BCORL1: variants seen among roughly 807,000 people sequenced by gnomAD.
BCORL1 encodes the protein BCL6 corepressor like 1.
Under a neutral mutation model 87.6 loss-of-function variants are expected in BCORL1, and 7 were observed. That is an observed-to-expected ratio of 0.08 (90% CI 0.05 to 0.15). The LOEUF (loss-of-function observed/expected upper bound fraction) is 0.15, where lower values mean the gene tolerates loss of function less well. BCORL1 is among the 10% of genes least tolerant of loss of function. The pLI is 1.00. For synonymous variants in BCORL1, 591 were observed against 634.4 expected (o/e 0.93, Z 1.03); for missense variants, 1,215 against 1,499.7 (o/e 0.81, Z 3.13).
In BCORL1 at chrX:130,049,345, A is replaced by AGTTT. The variant is rs112855640; in HGVS notation, c.4841-1347_4841-1344dup. On this transcript the variant is annotated intron_variant, in intron 11 of 13. Transcript: ENST00000540052. ...GAGTTGCTGTGAACATTCATGTATAAGTTTGTTTGTTTGTTTGTTTGTTTG... is the reference window on the plus strand; with the variant it reads ...GAGTTGCTGTGAACATTCATGTATAAGTTTGTTTGTTTGTTTGTTTGTTTGTTTG... Among the ~76,000 whole-genome samples the AGTTT allele has an allele frequency of 4.7e-3, 520 of 110,133 alleles. 3 individuals are homozygous for AGTTT. Among genetic ancestry groups the AGTTT allele is most frequent in the African/African-American group, 0.015 (435 of 29,840 alleles).
At chrX:130,055,292 C>T (rs1171322518) in intron 13 of BCORL1, among the ~76,000 whole-genome samples, 1 of 112,824 alleles carries the variant, frequency 8.9e-6, no homozygotes. Context: ...GGAGAAAAAA[C>T]TTGTCTAATG....
rs1929319802 is a variant in BCORL1 at position 130,015,288 on chromosome X, C to T, written c.2516C>T (p.Ala839Val). The change falls in exon 4 of 14, where the codon GCG becomes GTG. Residue 839 changes from alanine to valine, a missense_variant. Transcript: ENST00000540052. ...GTTGGCTGGTCCCCGTACCACCAGG[C>T]GTCTCTGCTTTCCATTGGCATTTCC... ...LPVGWSPYHQASLLSIGISSA... is the reference protein window; with the variant it reads ...LPVGWSPYHQVSLLSIGISSA... The T allele has an allele frequency of 2.5e-6, 3 of 1,211,785 alleles. No individual in the cohort carries two copies. The highest frequency in any genetic ancestry group is 2.2e-6 in the Non-Finnish European group (2 of 895,538).
chrX:130,051,925 G>A lies in BCORL1; in HGVS notation c.4984G>A (p.Asp1662Asn). 8.3e-7 allele frequency: 1 copy of A among 1,209,235 alleles called. No individual in the cohort carries two copies. Among genetic ancestry groups the A allele is most frequent in the Non-Finnish European group, 1.1e-6 (1 of 893,540 alleles). ...TCCTGGGAGCTCAGATCAAGAAGGA[G>A]ACGATCCGATGGAGGAGGATGATTT... ...NPPGSSDQEG[D>N]DPMEEDDFMF... The change falls in exon 13 of 14, where the codon GAC (aspartate) becomes AAC (asparagine). Residue 1662 changes from aspartate to asparagine, a missense_variant. This residue lies in a region of BCORL1 where 129 missense variants were observed against 157.5 expected (regional missense o/e 0.82). Transcript: ENST00000540052.
At chrX:130,022,211 CTTTG>C (rs1379599913) in intron 5 of BCORL1, among the ~76,000 whole-genome samples, 2 of 91,571 alleles carry the variant, frequency 2.2e-5, no homozygotes, top group African/African-American at 8.3e-5. Flanking sequence ...TCAGTTAGAA[CTTTG>C]TTTATTTTCT....
chrX:130,028,971 C>A, intron 8 of BCORL1, 110 bp downstream of exon 8: 1 of 596,876 alleles, frequency 1.7e-6, no homozygotes, highest in Non-Finnish European at 2.6e-6. Flanking sequence ...TTTAGTAAGG[C>A]ATTCTCAAAC....
chrX:130,051,758 C>A lies in BCORL1; in HGVS notation c.4919-102C>A. On this transcript the variant is annotated intron_variant, in intron 12 of 13. Coordinates refer to ENST00000540052, the MANE Select transcript of BCORL1 (RefSeq NM_001379451.1). ...GCCTGTGGCCTTGTCATTTACCTCCCAACCACCACCCCTCCATGCCCCTTT... is the reference window on the plus strand; with the variant it reads ...GCCTGTGGCCTTGTCATTTACCTCCAAACCACCACCCCTCCATGCCCCTTT... 3.5e-6 allele frequency: 3 copies of A among 851,650 alleles called. No individual in the cohort carries two copies. The South Asian group carries it at 1.0e-4, about 30-fold the overall frequency. The allele number at this position is 851,650 out of a possible 1,213,427, so 70.2% of individuals were successfully genotyped here. A position where few individuals can be genotyped will look rare whatever the true frequency, so the allele number is the denominator to read the frequency against.
chrX:130,022,870 C>T (rs764244094), intron 5 of BCORL1, 27 bp from the exon 6 acceptor site: 13 of 1,180,792 alleles, frequency 1.1e-5, no homozygotes, highest in Non-Finnish European at 1.3e-5. Flanking sequence ...TTTCTGCCTT[C>T]TGTCCCCAAA....
chrX:130,013,967 G>C lies in BCORL1; in HGVS notation c.1195G>C (p.Ala399Pro). Residue 399 changes from alanine to proline, a missense_variant, in exon 4 of 14, where the codon GCT (alanine) becomes CCT (proline). Coordinates refer to ENST00000540052, the MANE Select transcript of BCORL1 (RefSeq NM_001379451.1). ...IFTPAPTPMP[A>P]ATPAAIPTSA... is the part of the protein sequence containing the mutation. ...TACTCCAGCCCCTACACCCATGCCT[G>C]CTGCCACGCCAGCTGCCATTCCCAC... The C allele has an allele frequency of 8.3e-7, 1 of 1,201,210 alleles. No individual in the cohort carries two copies. Among genetic ancestry groups the C allele is most frequent in the Non-Finnish European group, 1.1e-6 (1 of 891,224 alleles).
In BCORL1 at chrX:130,012,975, G is replaced by T. The variant is rs1929082384; in HGVS notation, c.203G>T (p.Gly68Val). Residue 68 changes from glycine (G) to valine (V), a missense_variant, in exon 4 of 14, where the codon GGC becomes GTC. Physicochemically the swap from Gly to Val is moderately radical, Grantham distance 109. Coordinates refer to ENST00000540052, the MANE Select transcript of BCORL1 (RefSeq NM_001379451.1). Reference protein sequence around the residue: ...SKVELTAVGSGSNARGADPDG... With the variant: ...SKVELTAVGSVSNARGADPDG... Reference sequence around the variant, plus strand: ...GTGGAGCTCACGGCAGTTGGAAGTGGCAGCAATGCCCGGGGGGCAGACCCA... The same window carrying T: ...GTGGAGCTCACGGCAGTTGGAAGTGTCAGCAATGCCCGGGGGGCAGACCCA... 4 of 1,197,176 alleles carry T rather than the reference G, an allele frequency of 3.3e-6. No individual in the cohort carries two copies. In the Admixed American group the frequency reaches 8.9e-5, roughly 26 times the overall value.
chrX:129,982,317 G>C (rs1926175579), upstream of BCORL1, among the ~76,000 whole-genome samples: 1 of 111,163 alleles, frequency 9.0e-6, no homozygotes, highest in Admixed American at 9.4e-5. Flanking sequence ...TCCGGAATCC[G>C]CTCGGTCCTC....
At chrX:130,023,323 C>A (rs1223564956) in intron 6 of BCORL1, among the ~76,000 whole-genome samples, 1 of 112,044 alleles carries the variant, frequency 8.9e-6, no homozygotes, top group Non-Finnish European at 1.9e-5. Flanking sequence ...GGGCTAATCT[C>A]AGGCACAGAC....
chrX:130,015,046 G>C lies in BCORL1; in HGVS notation c.2274G>C (p.Glu758Asp), dbSNP rs1323379956. ...QEPISIIDQG[E>D]PKGTGATCGK... ...CCATCTCCATCATTGATCAAGGAGAGCCTAAGGGCACTGGTGCCACGTGTG... is the reference window on the plus strand; with the variant it reads ...CCATCTCCATCATTGATCAAGGAGACCCTAAGGGCACTGGTGCCACGTGTG... The change falls in exon 4 of 14, where the codon GAG becomes GAC. Residue 758 changes from glutamate to aspartate, a missense_variant. By Grantham distance (45) the Glu-to-Asp change is conservative. This residue lies in a region of BCORL1 where 861 missense variants were observed against 1,010.0 expected (regional missense o/e 0.85). Coordinates refer to ENST00000540052, the MANE Select transcript of BCORL1 (RefSeq NM_001379451.1). 1 of 1,210,422 alleles carries C rather than the reference G, an allele frequency of 8.3e-7. No homozygotes were observed. Among genetic ancestry groups the C allele is most frequent in the Non-Finnish European group, 1.1e-6 (1 of 895,324 alleles).
rs879106841 is a variant in BCORL1 at position 130,039,404 on chromosome X, C to G, written c.4840+122C>G. 3 of 870,683 alleles carry G rather than the reference C, an allele frequency of 3.4e-6. No homozygotes were observed. The South Asian group carries it at 7.5e-5, about 22-fold the overall frequency. The allele number at this position is 870,683 out of a possible 1,213,427, so 71.8% of individuals were successfully genotyped here. On this transcript the variant is annotated intron_variant, in intron 11 of 13. Coordinates refer to ENST00000540052, the MANE Select transcript of BCORL1 (RefSeq NM_001379451.1). The stretch of plus-strand genomic sequence containing the variant: ...AGCTCCCATGAGGGCCATCTGCCCT[C>G]TTCACCTGCTTTCATTCAAAGAGCT...
At position 130,037,397 on chromosome X, in the gene BCORL1, A is replaced by T; in HGVS notation, c.4558A>T (p.Ser1520Cys). The T allele has an allele frequency of 8.3e-7, 1 of 1,211,697 alleles. No homozygotes were observed. The highest frequency in any genetic ancestry group is 3.0e-5 in the East Asian group (1 of 33,831). Residue 1520 changes from serine to cysteine, a missense_variant, in exon 10 of 14, where the codon AGT (serine) becomes TGT (cysteine). Physicochemically the swap from Ser to Cys is moderately radical, Grantham distance 112. This residue lies in a region of BCORL1 where 55 missense variants were observed against 115.1 expected (regional missense o/e 0.48). Transcript: ENST00000540052. ...DVVLYCLQKD[S>C]EDVNHRDNAG... ...TGTTCTCTACTGCCTCCAGAAAGAC[A>T]GTGAAGATGTGAATCACCGTGACAA...
chrX:130,044,102 A>C (rs1466112248), intron 11 of BCORL1, among the ~76,000 whole-genome samples: 1 of 104,681 alleles, frequency 9.6e-6, no homozygotes, highest in African/African-American at 3.5e-5. Context: ...GACGGGGTTC[A>C]CCATGTTGGC....
chrX:130,019,376 A>G (rs760175313), intron 4 of BCORL1, among the ~76,000 whole-genome samples: 72 of 112,693 alleles, frequency 6.4e-4, no homozygotes, highest in African/African-American at 2.3e-3. Context: ...GTTCAAATGT[A>G]TGTGCATTTG....
rs1477661074 is a variant in BCORL1, at chrX:129,991,685, T to G, written c.-45+8923T>G. Among the ~76,000 whole-genome samples the G allele has an allele frequency of 4.0e-5, 3 of 75,476 alleles. No homozygotes were observed. The East Asian group carries it at 1.2e-3, about 29-fold the overall frequency. The allele number at this position is 75,476 out of a possible 115,157, so 65.5% of individuals were successfully genotyped here. A position where few individuals can be genotyped will look rare whatever the true frequency, so the allele number is the denominator to read the frequency against. On this transcript the variant is annotated intron_variant, in intron 1 of 13. Coordinates refer to ENST00000540052, the MANE Select transcript of BCORL1 (RefSeq NM_001379451.1). The stretch of plus-strand genomic sequence containing the variant: ...TTTTTTTTTTTTTTTTGAGACAGAG[T>G]CTTGCTCTGCTGCCCAGGCTGGAGT...
chrX:129,991,906 C>T (rs1927216619), intron 1 of BCORL1, among the ~76,000 whole-genome samples: 1 of 103,568 alleles, frequency 9.7e-6, no homozygotes, highest in Non-Finnish European at 2.0e-5. Context: ...CCTCGTGATC[C>T]ATCCACCTCG....
intron 6 of BCORL1, 126 bp downstream of exon 6, chrX:130,023,103 G>GC: frequency 1.7e-6 from 1 of 585,370 alleles, no homozygotes; most frequent in Non-Finnish European, 2.8e-6. Flanking sequence ...GTGCCACAAT[G>GC]CCCAGCTCCT....
Sources: gnomAD v4.1 joint callset for allele counts (sites outside exome capture counted in the v4.1 genomes callset) on GRCh38, gnomAD v4.1.1 for gene constraint, gnomAD v4.1.1 regional missense constraint, MANE v1.5 for transcripts, NCBI Gene and HGNC (gene_info 2026-07-23, HGNC 2026-07-21) for gene names.